The following MACROD2 variants were observed in gnomAD, a reference collection of about 807,000 sequenced individuals.
MACROD2 encodes mono-ADP ribosylhydrolase 2, also known as ADP-ribose glycohydrolase MACROD2.
In MACROD2, 36 loss-of-function variants were observed where a neutral mutation model predicts 70.4. The ratio of observed to expected loss-of-function variants is 0.51; its 90% CI spans 0.39 to 0.68. MACROD2 has a LOEUF of 0.68. MACROD2 is among the 30% of genes least tolerant of loss of function. MACROD2 has a pLI of 0.00. For synonymous variants in MACROD2, 172 were observed against 178.8 expected (o/e 0.96, Z 0.30); for missense variants, 496 against 538.4 (o/e 0.92, Z 0.78).
chr20:15,539,646 C>T (rs147232474), intron 8 of MACROD2, among the ~76,000 whole-genome samples: 3,320 of 152,212 alleles, frequency 0.022, 64 homozygotes, highest in South Asian at 0.063. Context: ...CATATTTTAA[C>T]AAGAAAAAAA....
At chr20:14,126,902 A>T (rs2054658558) in intron 3 of MACROD2, among the ~76,000 whole-genome samples, 1 of 152,150 alleles carries the variant, frequency 6.6e-6, no homozygotes, top group Non-Finnish European at 1.5e-5. Context: ...AGGGCTGCTT[A>T]TTCTTTGAGA....
At chr20:15,635,135 T>C (rs972195510) in intron 8 of MACROD2, among the ~76,000 whole-genome samples, 2 of 152,238 alleles carry the variant, frequency 1.3e-5, no homozygotes, top group Non-Finnish European at 2.9e-5. Flanking sequence ...GCTAAGCTAC[T>C]GCATTCAATC....
intron 16 of MACROD2, among the ~76,000 whole-genome samples, chr20:16,043,374 C>T (rs146678749): frequency 1.3e-5 from 2 of 152,152 alleles, no homozygotes; most frequent in East Asian, 1.9e-4. Flanking sequence ...GTTTTGGTTG[C>T]CTAGGCTAGC....
chr20:15,258,418 C>A (rs1432848489), intron 6 of MACROD2, among the ~76,000 whole-genome samples: 3 of 152,070 alleles, frequency 2.0e-5, no homozygotes, highest in East Asian at 3.9e-4. Flanking sequence ...TTAAAGAAAT[C>A]TTTTATACCA....
intron 6 of MACROD2, among the ~76,000 whole-genome samples, chr20:15,398,716 G>T (rs992566373): frequency 6.6e-6 from 1 of 152,168 alleles, no homozygotes; most frequent in Non-Finnish European, 1.5e-5. Flanking sequence ...GTTGGTTGTG[G>T]CTTCATGGGG....
intron 6 of MACROD2, among the ~76,000 whole-genome samples, chr20:15,369,954 T>C (rs1170876262): frequency 6.6e-6 from 1 of 152,168 alleles, no homozygotes; most frequent in Non-Finnish European, 1.5e-5. Context: ...AAATTAATTC[T>C]AAAAATCTCT....
intron 5 of MACROD2, among the ~76,000 whole-genome samples, chr20:14,923,073 A>G (rs2074183251): frequency 6.6e-6 from 1 of 152,160 alleles, no homozygotes; most frequent in African/African-American, 2.4e-5. Flanking sequence ...CTCAATTGCC[A>G]GCGGTCAATT....
intron 5 of MACROD2, among the ~76,000 whole-genome samples, chr20:15,063,229 G>A (rs1276013525): frequency 6.6e-6 from 1 of 152,116 alleles, no homozygotes; most frequent in African/African-American, 2.4e-5. Context: ...CCGACTCTGG[G>A]AACTGCAAAT....
intron 4 of MACROD2, among the ~76,000 whole-genome samples, chr20:14,517,267 A>T (rs565101414): frequency 6.6e-6 from 1 of 152,338 alleles, no homozygotes; most frequent in Non-Finnish European, 1.5e-5. Context: ...TATTCCCAAT[A>T]ACAAAGACTT....
chr20:14,368,555 C>A (rs1282371359), intron 3 of MACROD2, among the ~76,000 whole-genome samples: 2 of 150,672 alleles, frequency 1.3e-5, no homozygotes, highest in African/African-American at 4.9e-5. Context: ...AAAAAAAACA[C>A]ACACACACAA....
chr20:14,142,485 C>T (rs1436634186), intron 3 of MACROD2, among the ~76,000 whole-genome samples: 1 of 152,152 alleles, frequency 6.6e-6, no homozygotes, highest in Non-Finnish European at 1.5e-5. Context: ...TTTGTGTCCT[C>T]GTGTAAATGA....
chr20:15,591,247 A>G (rs1479607203), intron 8 of MACROD2, among the ~76,000 whole-genome samples: 2 of 152,254 alleles, frequency 1.3e-5, no homozygotes, highest in Non-Finnish European at 2.9e-5. Context: ...AAGAGCTGGG[A>G]AAGTGATAGT....
chr20:15,409,477 A>C (rs2046047908), intron 6 of MACROD2, among the ~76,000 whole-genome samples: 1 of 152,226 alleles, frequency 6.6e-6, no homozygotes, highest in East Asian at 1.9e-4. Context: ...ATTTGTTTGC[A>C]TCTGTAAGAG....
At chr20:15,031,738 C>T (rs2075275991) in intron 5 of MACROD2, among the ~76,000 whole-genome samples, 1 of 152,134 alleles carries the variant, frequency 6.6e-6, no homozygotes, top group African/African-American at 2.4e-5. Flanking sequence ...CTGATTGGTC[C>T]ATGGGTAGCC....
At chr20:14,325,560 T>C (rs904974075) in intron 3 of MACROD2, 5 of 1,607,278 alleles carry the variant, frequency 3.1e-6, no homozygotes, top group African/African-American at 2.7e-5. Context: ...TTCAGCATCA[T>C]GAGTGTGAGT....
intron 8 of MACROD2, among the ~76,000 whole-genome samples, chr20:15,568,817 C>G (rs2048341831): frequency 6.6e-6 from 1 of 152,158 alleles, no homozygotes; most frequent in African/African-American, 2.4e-5. Context: ...TCCTAGATGC[C>G]AAGATCAGTC....
intron 6 of MACROD2, among the ~76,000 whole-genome samples, chr20:15,331,225 C>T (rs562805523): frequency 5.9e-5 from 9 of 151,650 alleles, no homozygotes; most frequent in African/African-American, 1.2e-4. Flanking sequence ...CTGATAAAAT[C>T]GACTTGTTAA....
intron 12 of MACROD2, among the ~76,000 whole-genome samples, chr20:15,938,352 C>T (rs2065698444): frequency 6.6e-6 from 1 of 152,120 alleles, no homozygotes; most frequent in East Asian, 1.9e-4. Flanking sequence ...GCAAGTCTGT[C>T]GGCACCATCT....
chr20:14,721,117 T>C (rs1468012779), intron 5 of MACROD2, among the ~76,000 whole-genome samples: 1 of 151,418 alleles, frequency 6.6e-6, no homozygotes, highest in Non-Finnish European at 1.5e-5. Context: ...TAGCTAGGCA[T>C]GGCGTTGGGC....
Sources: allele counts gnomAD v4.1 joint callset (sites outside exome capture counted in the v4.1 genomes callset), GRCh38; gene constraint gnomAD v4.1.1; transcripts MANE v1.5; gene names NCBI Gene and HGNC (gene_info 2026-07-23, HGNC 2026-07-21).